DNAH9: variants seen among roughly 807,000 people sequenced by gnomAD.
DNAH9 encodes dynein axonemal heavy chain 9.
In DNAH9, 345 loss-of-function variants were observed where a neutral mutation model predicts 471.6. That is an observed-to-expected ratio of 0.73 (90% confidence interval 0.67 to 0.80). The LOEUF (loss-of-function observed/expected upper bound fraction) is 0.80, where lower values mean the gene tolerates loss of function less well. Ranked by LOEUF, DNAH9 falls within the 30% of genes least tolerant of loss-of-function variation. DNAH9 has a pLI of 0.00. For synonymous variants in DNAH9, 2,093 were observed against 2,123.6 expected (o/e 0.99, Z 0.40); for missense variants, 5,407 against 5,609.2 (o/e 0.96, Z 1.15).
chr17:11,749,619 A>AT (rs1185236367), intron 32 of DNAH9, among the ~76,000 whole-genome samples: 2 of 151,624 alleles, frequency 1.3e-5, no homozygotes, highest in South Asian at 2.1e-4. Flanking sequence ...TTACATTAAC[A>AT]TTTTTTATCC....
chr17:11,604,425 A>G (rs986332236), intron 1 of DNAH9, among the ~76,000 whole-genome samples: 1 of 152,010 alleles, frequency 6.6e-6, no homozygotes, highest in Non-Finnish European at 1.5e-5. Context: ...ATTCAATTTC[A>G]AAGTTCCACA....
At chr17:11,933,748 A>G (rs1835826858) in intron 64 of DNAH9, 132 bp from the exon 65 acceptor site, 1 of 816,496 alleles carries the variant, frequency 1.2e-6, no homozygotes. Flanking sequence ...ATGGAGAAAA[A>G]TAAGACATTG....
chr17:11,822,342 A>G, intron 46 of DNAH9, 96 bp from the exon 47 acceptor site: 2 of 1,418,616 alleles, frequency 1.4e-6, no homozygotes, highest in Non-Finnish European at 9.7e-7. Context: ...GTGCTTCCCA[A>G]TCTTCTGGGA....
chr17:11,709,177 T>C (rs2074789135), intron 26 of DNAH9, among the ~76,000 whole-genome samples: 2 of 152,214 alleles, frequency 1.3e-5, no homozygotes, highest in African/African-American at 4.8e-5. Flanking sequence ...GTTTCGACAA[T>C]GCATTATTTC....
intron 37 of DNAH9, 110 bp downstream of exon 37, chr17:11,768,736 C>T: frequency 7.6e-7 from 1 of 1,323,730 alleles, no homozygotes; most frequent in East Asian, 2.4e-5. Flanking sequence ...TTGCTAGGAA[C>T]TAGTCATCCC....
rs201053592 is a variant in DNAH9, at chr17:11,834,722, G to C, written c.9331G>C (p.Val3111Leu). The C allele has an allele frequency of 3.1e-6, 5 of 1,614,000 alleles. No homozygotes were observed. The African/African-American group carries it at 6.7e-5, about 22-fold the overall frequency. The change falls in exon 49 of 69, where the codon GTG (valine) becomes CTG (leucine). Residue 3111 changes from valine (V) to leucine (L), a missense_variant. Val to Leu is a conservative substitution (Grantham distance 32). Transcript: ENST00000262442. ...NEDADKLIQV[V>L]GVETDKVSRE... ...AGATGCAGACAAACTGATTCAGGTC[G>C]TGGGTGTGGAGACTGACAAAGTGAG...
intron 48 of DNAH9, among the ~76,000 whole-genome samples, chr17:11,823,884 T>G (rs1161312319): frequency 6.7e-6 from 1 of 150,122 alleles, no homozygotes; most frequent in Non-Finnish European, 1.5e-5. Context: ...GAGCCGAGAT[T>G]GCACCACTGC....
At position 11,947,772 on chromosome 17, in the gene DNAH9, A is replaced by AATTT. The variant is rs1555528615; in HGVS notation, c.12843+5287_12843+5288insATTT. On this transcript the variant is annotated intron_variant, in intron 67 of 68. Coordinates refer to ENST00000262442, the MANE Select transcript of DNAH9 (RefSeq NM_001372.4). Reference sequence around the variant, plus strand: ...CAGAATCTGGGAGGGGCTGGGAACTATTTTTTTTTTTTTTTTTTTTTTTTT... The same window carrying AATTT: ...CAGAATCTGGGAGGGGCTGGGAACTAATTTTTTTTTTTTTTTTTTTTTTTTTTTT... Among the ~76,000 whole-genome samples, 572 of 108,324 alleles carry AATTT rather than the reference A, an allele frequency of 5.3e-3. 90 individuals carry two copies. The highest frequency in any genetic ancestry group is 9.4e-3 in the Middle Eastern group (2 of 212). 71.1% of individuals were successfully genotyped at this position (108,324 alleles called of 152,430 possible).
rs780503914 is a variant in DNAH9 at position 11,784,284 on chromosome 17, TTTG to T, written c.7822-13_7822-11del. On this transcript the variant is annotated splice_polypyrimidine_tract_variant and intron_variant, in intron 40 of 68. Coordinates refer to ENST00000262442, the MANE Select transcript of DNAH9 (RefSeq NM_001372.4). ...TGGTAACGGATGTTGAGCTCATGCC[TTTG>T]TTTCCTGTACAGCGTCACTTCAGCG... is the stretch of plus-strand genomic sequence containing the variant. 5.0e-6 allele frequency: 8 copies of T among 1,612,644 alleles called. No homozygotes were observed. Among genetic ancestry groups the T allele is most frequent in the Non-Finnish European group, 5.9e-6 (7 of 1,178,632 alleles).
At chr17:11,859,788 A>G (rs950701458) in intron 50 of DNAH9, among the ~76,000 whole-genome samples, 1 of 152,138 alleles carries the variant, frequency 6.6e-6, no homozygotes, top group East Asian at 1.9e-4. Context: ...GAACTAACTG[A>G]TCAAGAACTC....
intron 26 of DNAH9, among the ~76,000 whole-genome samples, chr17:11,715,831 G>T (rs779293702): frequency 2.0e-5 from 3 of 152,048 alleles, no homozygotes; most frequent in Non-Finnish European, 4.4e-5. Flanking sequence ...GGCAAGTTTC[G>T]AACTCATTTT....
In DNAH9 at chr17:11,689,972, C is replaced by T. The variant is rs147589767; in HGVS notation, c.4150C>T (p.Arg1384Trp). Residue 1384 changes from arginine (R) to tryptophan (W), a missense_variant, in exon 20 of 69, where the codon CGG becomes TGG. Arg to Trp is a moderately radical substitution (Grantham distance 101). Coordinates refer to ENST00000262442, the MANE Select transcript of DNAH9 (RefSeq NM_001372.4). ...GCTGCAGAATCCAGCCATCCGGGAG[C>T]GGCACTGGAGGCAGCTGATGCAGGC... ...AELQNPAIRE[R>W]HWRQLMQATG... 68 of 1,613,748 alleles carry T rather than the reference C, an allele frequency of 4.2e-5. 1 individual carries two copies. The Middle Eastern group carries it at 1.2e-3, about 27-fold the overall frequency.
At chr17:11,927,202 T>A (rs1267744801) in intron 62 of DNAH9, among the ~76,000 whole-genome samples, 2 of 152,234 alleles carry the variant, frequency 1.3e-5, no homozygotes, top group Non-Finnish European at 2.9e-5. Context: ...TCCCATTCCA[T>A]AAGTTGTCTT....
intron 4 of DNAH9, among the ~76,000 whole-genome samples, chr17:11,613,275 A>G (rs1390350638): frequency 6.6e-6 from 1 of 152,132 alleles, no homozygotes; most frequent in Non-Finnish European, 1.5e-5. Flanking sequence ...CAGAAGTGGT[A>G]TGTGTATCCC....
At chr17:11,778,676 C>T (rs115211717) in intron 38 of DNAH9, among the ~76,000 whole-genome samples, 6,831 of 151,986 alleles carry the variant, frequency 0.045, 187 homozygotes, top group African/African-American at 0.069. Flanking sequence ...GCAGTGGAGA[C>T]GGCGAAAAGA....
intron 43 of DNAH9, among the ~76,000 whole-genome samples, chr17:11,805,471 A>G (rs1198033653): frequency 4.9e-5 from 7 of 142,752 alleles, no homozygotes; most frequent in African/African-American, 1.5e-4. Context: ...AGCCCATGCA[A>G]TTCAATCTCA....
intron 55 of DNAH9, among the ~76,000 whole-genome samples, chr17:11,881,631 G>A (rs1041227947): frequency 7.2e-5 from 11 of 152,174 alleles, no homozygotes; most frequent in African/African-American, 1.7e-4. Context: ...TTTGAAGGCC[G>A]GGCATGGTGG....
At chr17:11,888,009 G>A (rs1972932379) in intron 57 of DNAH9, among the ~76,000 whole-genome samples, 1 of 150,564 alleles carries the variant, frequency 6.6e-6, no homozygotes, top group Non-Finnish European at 1.5e-5. Flanking sequence ...TTGAGAGGGA[G>A]TCTCGCTTTG....
chr17:11,829,082 T>G (rs1185814079), intron 48 of DNAH9, among the ~76,000 whole-genome samples: 1 of 152,210 alleles, frequency 6.6e-6, no homozygotes, highest in East Asian at 1.9e-4. Flanking sequence ...ACTGTGCACA[T>G]GGTATTCATT....
Sources: gnomAD v4.1 joint callset for allele counts (sites outside exome capture counted in the v4.1 genomes callset) on GRCh38, gnomAD v4.1.1 for gene constraint, MANE v1.5 for transcripts, NCBI Gene and HGNC (gene_info 2026-07-23, HGNC 2026-07-21) for gene names.